The following KALRN variants were observed in gnomAD, a reference collection of about 807,000 sequenced individuals.
The protein encoded by KALRN is kalirin.
KALRN carries 70 observed loss-of-function variants against 353.7 expected under a neutral mutation model. The observed-to-expected ratio is 0.20, with a 90% CI of 0.16 to 0.24. The LOEUF is 0.24. Ranked by LOEUF, KALRN falls within the 10% of genes least tolerant of loss-of-function variation. KALRN has a pLI of 1.00. For synonymous variants in KALRN, 1,391 were observed against 1,434.8 expected (o/e 0.97, Z 0.69); for missense variants, 2,791 against 3,756.7 (o/e 0.74, Z 6.72).
intron 5 of KALRN, among the ~76,000 whole-genome samples, chr3:124,282,844 T>C (rs546296604): frequency 1.1e-4 from 16 of 152,308 alleles, no homozygotes; most frequent in Non-Finnish European, 1.6e-4. Flanking sequence ...AAGCTTCTCC[T>C]TGTGGATGTG....
At chr3:124,689,528 T>C (rs1296933929) in intron 51 of KALRN, among the ~76,000 whole-genome samples, 1 of 152,086 alleles carries the variant, frequency 6.6e-6, no homozygotes. Flanking sequence ...GGATTCCAGC[T>C]CTCTCCTCCT....
chr3:124,711,492 C>G (rs116474858), intron 57 of KALRN, among the ~76,000 whole-genome samples: 2,025 of 152,266 alleles, frequency 0.013, 49 homozygotes, highest in African/African-American at 0.046. Context: ...GTTCTCTCCT[C>G]TGCTCGTGGG....
At chr3:124,678,824 G>C (rs535431064) in intron 50 of KALRN, among the ~76,000 whole-genome samples, 16 of 152,308 alleles carry the variant, frequency 1.1e-4, no homozygotes, top group African/African-American at 3.6e-4. Flanking sequence ...CATGGACACA[G>C]TAGGGGGGCA....
chr3:124,591,083 G>A (rs1300381816), intron 34 of KALRN, among the ~76,000 whole-genome samples: 1 of 152,042 alleles, frequency 6.6e-6, no homozygotes, highest in African/African-American at 2.4e-5. Flanking sequence ...GGGGGTGAAT[G>A]CACTGCCTGG....
intron 25 of KALRN, among the ~76,000 whole-genome samples, chr3:124,463,873 C>A (rs947642133): frequency 6.6e-6 from 1 of 152,126 alleles, no homozygotes; most frequent in Non-Finnish European, 1.5e-5. Flanking sequence ...CCATGGCATG[C>A]AAACCTTGTG....
chr3:124,447,905 C>T (rs1257618445), intron 21 of KALRN, among the ~76,000 whole-genome samples: 1 of 152,208 alleles, frequency 6.6e-6, no homozygotes, highest in Non-Finnish European at 1.5e-5. Context: ...ATAAGAGACT[C>T]ATTTCAATAC....
intron 1 of KALRN, among the ~76,000 whole-genome samples, chr3:124,039,275 T>C (rs187110441): frequency 1.3e-3 from 194 of 152,332 alleles, no homozygotes; most frequent in African/African-American, 4.6e-3. Context: ...CCTGCCTTCT[T>C]CTGGGAGCTT....
At chr3:124,229,448 G>C (rs2078924265) in intron 2 of KALRN, among the ~76,000 whole-genome samples, 1 of 152,252 alleles carries the variant, frequency 6.6e-6, no homozygotes, top group African/African-American at 2.4e-5. Flanking sequence ...CATGCCACGT[G>C]CTTATACCAC....
At chr3:124,259,585 G>T (rs1214330270) in intron 3 of KALRN, among the ~76,000 whole-genome samples, 1 of 152,144 alleles carries the variant, frequency 6.6e-6, no homozygotes, top group Admixed American at 6.5e-5. Flanking sequence ...TAAATGATGG[G>T]GCCAGTATTC....
rs754069791 is a variant in KALRN, at chr3:124,227,999, G to A, written c.83G>A (p.Arg28Gln). 1.2e-5 allele frequency: 20 copies of A among 1,613,802 alleles called. 1 individual carries two copies. The highest frequency in any genetic ancestry group is 3.3e-5 in the South Asian group (3 of 91,068). The change falls in exon 2 of 60, where the codon CGG becomes CAG. Residue 28 changes from arginine (R) to glutamine (Q), a missense_variant. Physicochemically the swap from Arg to Gln is conservative, Grantham distance 43 (BLOSUM62 1). Around this residue, in one of 11 missense-constraint regions of KALRN, gnomAD observed 110 missense variants for 204.1 expected, o/e 0.54. Transcript: ENST00000682506. ...VDAFFRTGSF[R>Q]NDGLKASDVL... ...GTTTGTTGTCCCACAGGGTCTTTTC[G>A]GAATGATGGTTTGAAAGCTTCTGAT...
chr3:124,638,743 G>A (rs893784157), intron 37 of KALRN, among the ~76,000 whole-genome samples: 1 of 135,414 alleles, frequency 7.4e-6, no homozygotes, highest in Non-Finnish European at 1.6e-5. Flanking sequence ...GGCTACATAA[G>A]CAGTGGTCTC....
chr3:124,077,017 G>C (rs538546694), intron 1 of KALRN, among the ~76,000 whole-genome samples: 81 of 152,334 alleles, frequency 5.3e-4, no homozygotes, highest in African/African-American at 1.8e-3. Flanking sequence ...AAACTCCTCG[G>C]TTTACAGATT....
rs71323883 is a variant in KALRN, at chr3:124,719,648, C to T, written c.*178C>T. Reference sequence around the variant, plus strand: ...GGTCTGAGCAGCAGTAAAAGTCACCCTAAATCAAGGGGCTTTTCAGAAGGT... The same window carrying T: ...GGTCTGAGCAGCAGTAAAAGTCACCTTAAATCAAGGGGCTTTTCAGAAGGT... On this transcript the variant is annotated 3_prime_UTR_variant, in exon 60 of 60. Transcript: ENST00000682506. This position sits in a 1 kb window ranked among gnomAD's most constrained non-coding sequence, Gnocchi z 5.3. 2.1e-5 allele frequency: 13 copies of T among 622,780 alleles called. No individual in the cohort carries two copies. The highest frequency in any genetic ancestry group is 4.4e-4 in the Middle Eastern group (1 of 2,252). The allele number at this position is 622,780 out of a possible 1,614,324, so 38.6% of individuals were successfully genotyped here.
chr3:124,564,106 G>A (rs1194559319), intron 34 of KALRN, among the ~76,000 whole-genome samples: 1 of 150,294 alleles, frequency 6.7e-6, no homozygotes, highest in Non-Finnish European at 1.5e-5. Context: ...TCGGGAGGCT[G>A]AGGCAGGAGA....
At position 124,227,974 on chromosome 3, in the gene KALRN, G is replaced by C. The variant is rs1204175890; in HGVS notation, c.74-16G>C. 5 of 1,611,256 alleles carry C rather than the reference G, an allele frequency of 3.1e-6. No individual in the cohort carries two copies. The highest frequency in any genetic ancestry group is 4.2e-6 in the Non-Finnish European group (5 of 1,177,450). On this transcript the variant is annotated splice_polypyrimidine_tract_variant and intron_variant, in intron 1 of 59. Coordinates refer to ENST00000682506, the MANE Select transcript of KALRN (RefSeq NM_001388419.1). ...GCTCCTCTCACCCTGATTCCTTCTG[G>C]TTTGTTGTCCCACAGGGTCTTTTCG...
chr3:124,323,545 C>T (rs2079564811), intron 6 of KALRN, among the ~76,000 whole-genome samples: 1 of 152,104 alleles, frequency 6.6e-6, no homozygotes, highest in Admixed American at 6.5e-5. Context: ...AGTTGGACAC[C>T]TCTAATAGCT....
intron 1 of KALRN, among the ~76,000 whole-genome samples, chr3:124,095,621 GTTTTA>G (rs2061397720): frequency 6.6e-6 from 1 of 151,992 alleles, no homozygotes; most frequent in Admixed American, 6.6e-5. Flanking sequence ...GAGAAAATCA[GTTTTA>G]TTTCTCAGGT....
intron 1 of KALRN, among the ~76,000 whole-genome samples, chr3:124,044,607 C>G (rs946554428): frequency 1.5e-5 from 2 of 131,316 alleles, no homozygotes; most frequent in African/African-American, 6.0e-5. Flanking sequence ...GAGTGAGACT[C>G]TGTCTCCAAA....
rs1445024110 is a variant in KALRN at position 124,697,603 on chromosome 3, A to C, written c.7710A>C (p.Ala2570=). 5.0e-6 allele frequency: 8 copies of C among 1,603,324 alleles called. No homozygotes were observed. Among genetic ancestry groups the C allele is most frequent in the Non-Finnish European group, 6.8e-6 (8 of 1,177,010 alleles). ...TTTCTGTCTCCATAGGTGTTCCAGCAGCCCCTAACCGCCCCATTGCCCAGG... is the reference window on the plus strand; with the variant it reads ...TTTCTGTCTCCATAGGTGTTCCAGCCGCCCCTAACCGCCCCATTGCCCAGG... The part of the protein sequence containing the change: ...SATVKVQGVP[A]APNRPIAQER... The change falls in exon 55 of 60, where the codon GCA becomes GCC. Residue 2570 remains alanine, a synonymous_variant. Coordinates refer to ENST00000682506, the MANE Select transcript of KALRN (RefSeq NM_001388419.1).
Sources: gnomAD v4.1 joint callset for allele counts (sites outside exome capture counted in the v4.1 genomes callset) on GRCh38, gnomAD v4.1.1 for gene constraint, gnomAD v4.1.1 regional missense constraint, Gnocchi (gnomAD v3.1) non-coding constraint, MANE v1.5 for transcripts, NCBI Gene and HGNC (gene_info 2026-07-23, HGNC 2026-07-21) for gene names.